Variants in HDAC9 observed in about 807,000 individuals in gnomAD.
HDAC9 encodes MEF-2 interacting transcription repressor (MITR) protein.
HDAC9 carries 41 observed loss-of-function variants against 139.4 expected under a neutral mutation model. That is an observed-to-expected ratio of 0.29 (90% CI 0.23 to 0.38). HDAC9 has a LOEUF of 0.38. Ranked by LOEUF, HDAC9 falls within the 10% of genes least tolerant of loss-of-function variation. The probability of loss-of-function intolerance (pLI) is 1.00; values close to 1 mark genes in which losing one functional copy is unlikely to be tolerated. For missense variants in HDAC9, 1,147 were observed against 1,297.0 expected (o/e 0.88, Z 1.78); for synonymous variants, 517 against 476.2 (o/e 1.09, Z -1.12).
At chr7:18,505,959 C>T (rs536097531) in intron 2 of HDAC9, 5 of 152,168 alleles carry the variant, frequency 3.3e-5, no homozygotes, top group African/African-American at 9.7e-5. Context: ...CTTATGGCAT[C>T]GCAGGTCTAA....
At chr7:18,771,443 C>T (rs375957671) in intron 16 of HDAC9, among the ~76,000 whole-genome samples, 7 of 151,906 alleles carry the variant, frequency 4.6e-5, no homozygotes, top group African/African-American at 1.2e-4. Flanking sequence ...ACTCACTACG[C>T]GAGAGGCAGA....
intron 1 of HDAC9, among the ~76,000 whole-genome samples, chr7:18,469,762 A>C (rs1011439491): frequency 2.6e-5 from 4 of 152,202 alleles, no homozygotes; most frequent in Admixed American, 6.5e-5. Flanking sequence ...TCCTTCCTGC[A>C]TGTAGCTCAG....
At chr7:18,591,744 T>C in intron 5 of HDAC9, 102 bp downstream of exon 5, 1 of 1,473,806 alleles carries the variant, frequency 6.8e-7, no homozygotes, top group Non-Finnish European at 9.2e-7. Context: ...TTCTCAGCTG[T>C]CTGGCTGTGG....
chr7:18,930,048 G>A (rs1475494458), intron 22 of HDAC9, among the ~76,000 whole-genome samples: 1 of 152,156 alleles, frequency 6.6e-6, no homozygotes, highest in Non-Finnish European at 1.5e-5. Context: ...TGTCAAGGCT[G>A]ATTTTTAGTC....
chr7:18,143,967 C>G (rs1224061132), intron 1 of HDAC9, among the ~76,000 whole-genome samples: 1 of 152,066 alleles, frequency 6.6e-6, no homozygotes, highest in Non-Finnish European at 1.5e-5. Flanking sequence ...CTGGTAGTGT[C>G]ACAGTCTTCT....
intron 1 of HDAC9, among the ~76,000 whole-genome samples, chr7:18,432,473 G>T (rs1790766363): frequency 6.6e-6 from 1 of 152,158 alleles, no homozygotes; most frequent in Admixed American, 6.5e-5. Context: ...AATAAAAATG[G>T]ACATAGATTT....
At chr7:18,603,252 C>T (rs1179094788) in intron 6 of HDAC9, among the ~76,000 whole-genome samples, 2 of 151,958 alleles carry the variant, frequency 1.3e-5, no homozygotes, top group Non-Finnish European at 2.9e-5. Flanking sequence ...TTTAAATTTA[C>T]TGACAGCCTC....
intron 2 of HDAC9, among the ~76,000 whole-genome samples, chr7:18,511,228 C>A (rs917153263): frequency 2.0e-5 from 3 of 152,138 alleles, no homozygotes; most frequent in African/African-American, 7.2e-5. Flanking sequence ...GAAAACAACC[C>A]TCAATCAACT....
intron 12 of HDAC9, among the ~76,000 whole-genome samples, chr7:18,717,540 T>C (rs1330771146): frequency 6.6e-6 from 1 of 151,712 alleles, no homozygotes; most frequent in Non-Finnish European, 1.5e-5. Context: ...CAAGTGATTC[T>C]CCTGCCTCAG....
intron 22 of HDAC9, among the ~76,000 whole-genome samples, chr7:18,915,597 G>A (rs1803119168): frequency 1.3e-5 from 2 of 149,672 alleles, no homozygotes; most frequent in South Asian, 4.2e-4. Flanking sequence ...CAGAAGTTTT[G>A]TTTTATGATT....
chr7:18,928,899 CTATT>C (rs1390675131), intron 22 of HDAC9, among the ~76,000 whole-genome samples: 27 of 151,584 alleles, frequency 1.8e-4, no homozygotes, highest in Admixed American at 2.0e-4. Flanking sequence ...TATTATTATA[CTATT>C]TATTTATTAT....
intron 14 of HDAC9, among the ~76,000 whole-genome samples, chr7:18,759,597 A>G (rs896608672): frequency 6.6e-6 from 1 of 152,172 alleles, no homozygotes; most frequent in African/African-American, 2.4e-5. Context: ...TGTAATAATA[A>G]TAGAAATAAA....
chr7:18,791,165 G>A (rs1464708231), intron 16 of HDAC9, among the ~76,000 whole-genome samples: 1 of 152,074 alleles, frequency 6.6e-6, no homozygotes, highest in Non-Finnish European at 1.5e-5. Context: ...ATAATTTTTT[G>A]GAAGGAAATT....
intron 2 of HDAC9, among the ~76,000 whole-genome samples, chr7:18,171,431 C>G (rs1279104754): frequency 2.0e-5 from 3 of 152,104 alleles, no homozygotes; most frequent in Admixed American, 2.0e-4. Context: ...ATTGAATACC[C>G]TTTATTTCTT....
chr7:18,872,033 A>G (rs1186977973), intron 21 of HDAC9, among the ~76,000 whole-genome samples: 1 of 152,192 alleles, frequency 6.6e-6, no homozygotes, highest in Non-Finnish European at 1.5e-5. Flanking sequence ...ATCTGTTGCT[A>G]TGTAGTTCTT....
At chr7:18,590,875 A>G (rs1830753158) in intron 4 of HDAC9, among the ~76,000 whole-genome samples, 1 of 152,136 alleles carries the variant, frequency 6.6e-6, no homozygotes. Context: ...CCTTGCCTCC[A>G]TTTAGTTTTG....
intron 17 of HDAC9, among the ~76,000 whole-genome samples, chr7:18,794,933 G>A (rs922786015): frequency 6.6e-6 from 1 of 152,150 alleles, no homozygotes; most frequent in Non-Finnish European, 1.5e-5. Flanking sequence ...GTTTGTGTAA[G>A]TTTAAGCAAT....
At chr7:18,153,467 G>T (rs968634467) in intron 1 of HDAC9, among the ~76,000 whole-genome samples, 3 of 152,146 alleles carry the variant, frequency 2.0e-5, no homozygotes, top group African/African-American at 7.2e-5. Flanking sequence ...ATCAGAGGCT[G>T]AAGTGAAGTT....
intron 6 of HDAC9, among the ~76,000 whole-genome samples, chr7:18,598,856 G>T (rs1833175790): frequency 6.6e-6 from 1 of 152,186 alleles, no homozygotes; most frequent in Non-Finnish European, 1.5e-5. Context: ...TGTTAATTTT[G>T]CATATTCTCT....
Sources: gnomAD v4.1 joint callset for allele counts (sites outside exome capture counted in the v4.1 genomes callset) on GRCh38, gnomAD v4.1.1 for gene constraint, MANE v1.5 for transcripts, NCBI Gene and HGNC (gene_info 2026-07-23, HGNC 2026-07-21) for gene names.